PABPC4L: variants seen among roughly 807,000 people sequenced by gnomAD.
PABPC4L encodes the protein poly(A) binding protein cytoplasmic 4 like.
For missense variants in PABPC4L, 452 were observed against 451.4 expected (o/e 1.00, Z -0.01); for synonymous variants, 169 against 164.1 (o/e 1.03, Z -0.23).
At chr4:134,050,317 C>T in the PABPC4L span, among the ~76,000 whole-genome samples, 9 of 152,082 alleles carry the variant, frequency 5.9e-5, no homozygotes, top group Non-Finnish European at 1.0e-4. Context: ...TTATGCCTTG[C>T]TGTTTCTCAT....
the PABPC4L span, among the ~76,000 whole-genome samples, chr4:134,077,626 C>T: frequency 5.9e-5 from 9 of 152,218 alleles, no homozygotes; most frequent in African/African-American, 1.7e-4. Flanking sequence ...TCACCTCCCA[C>T]GTAGAAAGTC....
the PABPC4L span, among the ~76,000 whole-genome samples, chr4:134,172,709 T>C: frequency 1.3e-5 from 2 of 151,808 alleles, no homozygotes; most frequent in Non-Finnish European, 2.9e-5. Context: ...AAAAACTATC[T>C]ATATCGTTTA....
Position 134,201,171 on chromosome 4 carries a change from C to G in PABPC4L, c.-152G>C. The G allele has an allele frequency of 6.5e-7, 1 of 1,548,744 alleles. No individual in the cohort carries two copies. The highest frequency in any genetic ancestry group is 1.2e-5 in the South Asian group (1 of 83,208). On this transcript the variant is annotated 5_prime_UTR_variant, in exon 2 of 2. Coordinates refer to ENST00000421491, the MANE Select transcript of PABPC4L (RefSeq NM_001114734.2). ...AGCAATGGAGTTCAGACACGACTCC[C>G]CCAGCTCAGGCAACACCCTCATCCA...
At chr4:134,072,548 C>T in the PABPC4L span, among the ~76,000 whole-genome samples, 2 of 152,128 alleles carry the variant, frequency 1.3e-5, no homozygotes, top group Non-Finnish European at 2.9e-5. Flanking sequence ...AGTGACATTT[C>T]TAAAAGCAAG....
At chr4:134,175,149 C>A in the PABPC4L span, among the ~76,000 whole-genome samples, 1 of 152,164 alleles carries the variant, frequency 6.6e-6, no homozygotes, top group East Asian at 1.9e-4. Flanking sequence ...CACGCATATC[C>A]ATGTCCTTTT....
chr4:133,967,207 C>A, the PABPC4L span, among the ~76,000 whole-genome samples: 5 of 152,006 alleles, frequency 3.3e-5, no homozygotes, highest in Non-Finnish European at 5.9e-5. Flanking sequence ...CACGGTGGCC[C>A]ATGCATGTAA....
At chr4:134,178,224 C>A in the PABPC4L span, among the ~76,000 whole-genome samples, 1 of 152,086 alleles carries the variant, frequency 6.6e-6, no homozygotes, top group African/African-American at 2.4e-5. Context: ...CGAAGCAGAA[C>A]ACCCCACATA....
the PABPC4L span, among the ~76,000 whole-genome samples, chr4:133,986,004 G>T: frequency 2.0e-5 from 3 of 151,836 alleles, no homozygotes; most frequent in African/African-American, 7.3e-5. Flanking sequence ...GTTTTATATT[G>T]TACACATCGA....
At chr4:133,971,214 G>A in the PABPC4L span, among the ~76,000 whole-genome samples, 1 of 142,094 alleles carries the variant, frequency 7.0e-6, no homozygotes, top group African/African-American at 2.6e-5. Flanking sequence ...CTGGGTTCAC[G>A]CATTCTACTG....
At chr4:134,145,352 T>G in the PABPC4L span, among the ~76,000 whole-genome samples, 5 of 151,856 alleles carry the variant, frequency 3.3e-5, no homozygotes, top group African/African-American at 1.2e-4. Flanking sequence ...ATAAAAACTA[T>G]GAGAAATCTA....
At chr4:134,180,420 C>A in the PABPC4L span, among the ~76,000 whole-genome samples, 1 of 151,714 alleles carries the variant, frequency 6.6e-6, no homozygotes, top group Non-Finnish European at 1.5e-5. Context: ...TAGCACTAAA[C>A]ACCAACATTA....
the PABPC4L span, among the ~76,000 whole-genome samples, chr4:134,050,143 A>G: frequency 1.3e-5 from 2 of 152,188 alleles, no homozygotes; most frequent in Non-Finnish European, 2.9e-5. Flanking sequence ...AAATTAAATA[A>G]CATTACATTA....
chr4:134,105,425 A>C, the PABPC4L span, among the ~76,000 whole-genome samples: 1 of 151,686 alleles, frequency 6.6e-6, no homozygotes, highest in Non-Finnish European at 1.5e-5. Flanking sequence ...TTAATATTAA[A>C]ATTTCCTGTT....
the PABPC4L span, among the ~76,000 whole-genome samples, chr4:133,962,520 G>A: frequency 6.6e-6 from 1 of 152,114 alleles, no homozygotes; most frequent in Non-Finnish European, 1.5e-5. Context: ...AATTCAACAA[G>A]TAGAAAAAAG....
At chr4:134,138,614 G>A in the PABPC4L span, among the ~76,000 whole-genome samples, 1 of 151,568 alleles carries the variant, frequency 6.6e-6, no homozygotes, top group African/African-American at 2.4e-5. Context: ...AGAGTTGTAT[G>A]TATTTTCCAG....
chr4:133,990,980 C>G, the PABPC4L span, among the ~76,000 whole-genome samples: 3 of 152,132 alleles, frequency 2.0e-5, no homozygotes, highest in East Asian at 5.8e-4. Context: ...TGACCAATCT[C>G]CTTCATCTCC....
the PABPC4L span, among the ~76,000 whole-genome samples, chr4:133,952,361 C>T: frequency 6.6e-6 from 1 of 152,098 alleles, no homozygotes; most frequent in Non-Finnish European, 1.5e-5. Context: ...CACTGAACCA[C>T]TTATGTTCAT....
At chr4:134,161,883 A>C in the PABPC4L span, among the ~76,000 whole-genome samples, 2 of 152,112 alleles carry the variant, frequency 1.3e-5, no homozygotes, top group Non-Finnish European at 2.9e-5. Context: ...CTGTACAAAT[A>C]TATAAATAGA....
chr4:134,113,592 G>T, the PABPC4L span, among the ~76,000 whole-genome samples: 1 of 151,858 alleles, frequency 6.6e-6, no homozygotes, highest in Admixed American at 6.6e-5. Context: ...ATTGCCTAAA[G>T]TTGCATTTCT....
Sources: gnomAD v4.1 joint callset for allele counts (sites outside exome capture counted in the v4.1 genomes callset) on GRCh38, gnomAD v4.1.1 for gene constraint, MANE v1.5 for transcripts, NCBI Gene and HGNC (gene_info 2026-07-23, HGNC 2026-07-21) for gene names.